The following DPYD variants were observed in gnomAD, a reference collection of about 807,000 sequenced individuals.
The protein encoded by DPYD is dihydropyrimidine dehydrogenase, also known as dihydropyrimidine dehydrogenase [NADP(+)].
DPYD carries 109 observed loss-of-function variants against 116.2 expected under a neutral mutation model. The ratio of observed to expected loss-of-function variants is 0.94; its 90% CI spans 0.80 to 1.10. The LOEUF is 1.10. Ranked by LOEUF, DPYD falls within the 50% of genes least tolerant of loss-of-function variation. DPYD has a pLI of 0.00. For missense variants in DPYD, 1,302 were observed against 1,254.5 expected, an observed-to-expected ratio of 1.04 and a Z score of -0.57; for synonymous variants, 440 against 432.0, an observed-to-expected ratio of 1.02 and a Z score of -0.23.
At chr1:97,230,362 C>A (rs1021059051) in intron 19 of DPYD, among the ~76,000 whole-genome samples, 1 of 152,134 alleles carries the variant, frequency 6.6e-6, no homozygotes, top group African/African-American at 2.4e-5. Context: ...AGGCCATTAT[C>A]CTTAGCAAGG....
chr1:97,230,733 G>T (rs1661535838), intron 19 of DPYD, among the ~76,000 whole-genome samples: 1 of 152,168 alleles, frequency 6.6e-6, no homozygotes, highest in South Asian at 2.1e-4. Flanking sequence ...GGGTCTAAGG[G>T]TCATGACAGC....
At chr1:97,517,641 T>C (rs1342765439) in intron 12 of DPYD, among the ~76,000 whole-genome samples, 2 of 152,122 alleles carry the variant, frequency 1.3e-5, no homozygotes, top group East Asian at 1.9e-4. Context: ...CCTTGCTTGA[T>C]GGTATTTTCT....
intron 7 of DPYD, among the ~76,000 whole-genome samples, chr1:97,689,981 T>A (rs1483971273): frequency 6.6e-6 from 1 of 152,090 alleles, no homozygotes; most frequent in Non-Finnish European, 1.5e-5. Context: ...TAATTTAGGT[T>A]CCATTTTTTT....
chr1:97,277,661 ATTCCTCCAT>A (rs1437296365), intron 18 of DPYD, among the ~76,000 whole-genome samples: 1 of 152,062 alleles, frequency 6.6e-6, no homozygotes, highest in East Asian at 1.9e-4. Context: ...CCCTCCTCCA[ATTCCTCCAT>A]TGCTACTACA....
intron 20 of DPYD, among the ~76,000 whole-genome samples, chr1:97,175,794 G>T (rs1395797862): frequency 6.6e-6 from 1 of 152,090 alleles, no homozygotes; most frequent in Non-Finnish European, 1.5e-5. Flanking sequence ...CTTATTAATT[G>T]ATTCAAAAGT....
chr1:97,195,634 G>GTATGTGTATA (rs1557929548), intron 19 of DPYD, among the ~76,000 whole-genome samples: 15 of 57,684 alleles, frequency 2.6e-4, no homozygotes, highest in Admixed American at 6.8e-4. Flanking sequence ...ATATGTATGT[G>GTATGTGTATA]TATATATATA....
At chr1:97,726,010 A>G (rs568022300) in intron 4 of DPYD, among the ~76,000 whole-genome samples, 14 of 151,708 alleles carry the variant, frequency 9.2e-5, no homozygotes, top group African/African-American at 2.9e-4. Flanking sequence ...TATGTTTTAA[A>G]GCATGCATTT....
chr1:97,344,379 T>C (rs1458549519), intron 16 of DPYD, among the ~76,000 whole-genome samples: 1 of 151,782 alleles, frequency 6.6e-6, no homozygotes, highest in African/African-American at 2.4e-5. Context: ...AACACACAGG[T>C]GTTGAGAATT....
At chr1:97,204,763 C>T (rs997408638) in intron 19 of DPYD, among the ~76,000 whole-genome samples, 1 of 151,920 alleles carries the variant, frequency 6.6e-6, no homozygotes, top group African/African-American at 2.4e-5. Context: ...TTCCAAAATG[C>T]TCCGTCACTT....
intron 14 of DPYD, among the ~76,000 whole-genome samples, chr1:97,411,520 G>GA (rs898362915): frequency 1.4e-4 from 21 of 144,900 alleles, no homozygotes; most frequent in African/African-American, 4.1e-4. Context: ...AACAACAATA[G>GA]AAAAAAAAAA....
chr1:97,592,031 T>C (rs1271058044), intron 10 of DPYD, among the ~76,000 whole-genome samples: 12 of 152,170 alleles, frequency 7.9e-5, no homozygotes, highest in Admixed American at 7.9e-4. Flanking sequence ...ATGGTGACCC[T>C]GATATTTTGG....
intron 20 of DPYD, among the ~76,000 whole-genome samples, chr1:97,140,342 G>T (rs1457792259): frequency 6.6e-6 from 1 of 152,090 alleles, no homozygotes; most frequent in Non-Finnish European, 1.5e-5. Flanking sequence ...TACATTGAAA[G>T]CCCTGCCAAG....
At chr1:97,503,521 A>T (rs1242237208) in intron 13 of DPYD, among the ~76,000 whole-genome samples, 1 of 152,006 alleles carries the variant, frequency 6.6e-6, no homozygotes, top group Non-Finnish European at 1.5e-5. Context: ...TGAAGACTCT[A>T]GATGGCTTTG....
At chr1:97,699,235 T>A in intron 6 of DPYD, 116 bp downstream of exon 6, 1 of 1,119,550 alleles carries the variant, frequency 8.9e-7, no homozygotes, top group Non-Finnish European at 1.3e-6. Flanking sequence ...AAAAAGAACA[T>A]TTAAAATACC....
At chr1:97,580,719 C>G (rs1056205839) in intron 10 of DPYD, among the ~76,000 whole-genome samples, 3 of 152,132 alleles carry the variant, frequency 2.0e-5, no homozygotes, top group Admixed American at 2.0e-4. Flanking sequence ...GATATCTAAT[C>G]ATCTTCAATA....
intron 20 of DPYD, among the ~76,000 whole-genome samples, chr1:97,144,428 C>T (rs373984697): frequency 6.6e-6 from 1 of 152,174 alleles, no homozygotes; most frequent in Non-Finnish European, 1.5e-5. Flanking sequence ...TTCATTTTGA[C>T]ATTTCAGTTA....
At chr1:97,827,178 T>C (rs1669282764) in intron 3 of DPYD, among the ~76,000 whole-genome samples, 1 of 152,124 alleles carries the variant, frequency 6.6e-6, no homozygotes, top group Non-Finnish European at 1.5e-5. Context: ...CTAAACTACC[T>C]TTCTAGGAAG....
chr1:97,207,029 G>A (rs59008244), intron 19 of DPYD, among the ~76,000 whole-genome samples: 6,105 of 151,952 alleles, frequency 0.04, 411 homozygotes, highest in African/African-American at 0.14. Context: ...CAGAGACACA[G>A]CAAAAAGGGC....
chr1:97,209,432 T>G (rs11809950), intron 19 of DPYD, among the ~76,000 whole-genome samples: 5,385 of 152,234 alleles, frequency 0.035, 291 homozygotes, highest in African/African-American at 0.12. Context: ...CATTTATTTT[T>G]TGTGTTTTAG....
Sources: gnomAD v4.1 joint callset for allele counts (sites outside exome capture counted in the v4.1 genomes callset) on GRCh38, gnomAD v4.1.1 for gene constraint, MANE v1.5 for transcripts, NCBI Gene and HGNC (gene_info 2026-07-23, HGNC 2026-07-21) for gene names.